The following SGCD variants were observed in gnomAD, a reference collection of about 807,000 sequenced individuals.
The protein encoded by SGCD is delta-sarcoglycan.
SGCD carries 18 observed loss-of-function variants against 36.6 expected under a neutral mutation model. That is an observed-to-expected ratio of 0.49 (90% CI 0.34 to 0.73). The LOEUF (loss-of-function observed/expected upper bound fraction) is 0.73, where lower values mean the gene tolerates loss of function less well. Ranked by LOEUF, SGCD falls within the 30% of genes least tolerant of loss-of-function variation. SGCD has a pLI of 0.01. For synonymous variants in SGCD, 133 were observed against 130.6 expected (o/e 1.02, Z -0.12); for missense variants, 387 against 346.7 (o/e 1.12, Z -0.92).
chr5:155,968,992 A>G (rs1023096385), intron 1 of SGCD, among the ~76,000 whole-genome samples: 3 of 152,230 alleles, frequency 2.0e-5, no homozygotes, highest in Admixed American at 2.0e-4. Flanking sequence ...ATCCACATCA[A>G]TACATACACA....
chr5:156,287,627 T>TTGTGTG (rs70982002), intron 3 of SGCD, among the ~76,000 whole-genome samples: 1,725 of 146,362 alleles, frequency 0.012, 23 homozygotes, highest in Non-Finnish European at 0.016. Context: ...TTCCGTTTCT[T>TTGTGTG]TGTGTGTGTG....
chr5:156,288,719 T>A (rs1297578552), intron 3 of SGCD, among the ~76,000 whole-genome samples: 1 of 152,294 alleles, frequency 6.6e-6, no homozygotes, highest in South Asian at 2.1e-4. Flanking sequence ...AGTTCAATTT[T>A]TTTTTCCTGA....
chr5:155,773,567 G>A, the SGCD span, among the ~76,000 whole-genome samples: 1 of 152,030 alleles, frequency 6.6e-6, no homozygotes, highest in Non-Finnish European at 1.5e-5. Context: ...AGTTGAACAG[G>A]GTATTGTCAT....
At chr5:156,044,677 T>C (rs1759719681) in intron 1 of SGCD, among the ~76,000 whole-genome samples, 2 of 152,196 alleles carry the variant, frequency 1.3e-5, no homozygotes, top group South Asian at 2.1e-4. Flanking sequence ...AGAATTTTTT[T>C]CATATAGAAG....
intron 3 of SGCD, among the ~76,000 whole-genome samples, chr5:156,383,433 G>C (rs1041748867): frequency 6.6e-6 from 1 of 152,140 alleles, no homozygotes; most frequent in Non-Finnish European, 1.5e-5. Flanking sequence ...GAACCCAGTA[G>C]GCGGAGGTTA....
At chr5:155,937,887 A>C (rs1341783073) in intron 1 of SGCD, among the ~76,000 whole-genome samples, 1 of 152,192 alleles carries the variant, frequency 6.6e-6, no homozygotes, top group South Asian at 2.1e-4. Flanking sequence ...AGAATATACA[A>C]AACAGATGAG....
chr5:156,649,612 CA>C (rs1425229567), intron 7 of SGCD, among the ~76,000 whole-genome samples: 2 of 145,292 alleles, frequency 1.4e-5, no homozygotes, highest in African/African-American at 2.5e-5. Context: ...ATCACAAGGT[CA>C]AAAAACCAAA....
chr5:156,378,388 G>A (rs1770790234), intron 3 of SGCD, among the ~76,000 whole-genome samples: 1 of 152,134 alleles, frequency 6.6e-6, no homozygotes, highest in Non-Finnish European at 1.5e-5. Context: ...AGTTTTGCAG[G>A]ATAAAGGTTC....
chr5:156,112,424 T>C (rs868152211), intron 1 of SGCD, among the ~76,000 whole-genome samples: 1,981 of 152,330 alleles, frequency 0.013, 49 homozygotes, highest in African/African-American at 0.045. Context: ...TGTGGATTCT[T>C]AAGACATATT....
intron 3 of SGCD, among the ~76,000 whole-genome samples, chr5:156,201,901 T>G (rs967806305): frequency 2.0e-5 from 3 of 152,112 alleles, no homozygotes; most frequent in Non-Finnish European, 4.4e-5. Flanking sequence ...AGCTCCAGTG[T>G]GTACCTTGTG....
intron 6 of SGCD, among the ~76,000 whole-genome samples, chr5:156,631,153 C>T (rs138753758): frequency 6.8e-4 from 104 of 152,236 alleles, no homozygotes; most frequent in Middle Eastern, 6.8e-3. Flanking sequence ...GAGTCATTTT[C>T]ATAATGGGTC....
intron 2 of SGCD, among the ~76,000 whole-genome samples, chr5:156,119,906 C>A (rs1008808932): frequency 6.6e-6 from 1 of 152,128 alleles, no homozygotes; most frequent in Admixed American, 6.6e-5. Flanking sequence ...ATGACAGATT[C>A]CCTGAAGCGT....
chr5:156,393,564 G>A lies in SGCD; in HGVS notation c.192+48887G>A, dbSNP rs114574993. 7.4e-3 allele frequency among the ~76,000 whole-genome samples: 1,122 copies of A among 152,144 alleles called. 21 individuals are homozygous for A. The highest frequency in any genetic ancestry group is 0.026 in the African/African-American group (1,066 of 41,502). On this transcript the variant is annotated intron_variant, in intron 3 of 8. Coordinates refer to ENST00000337851, the MANE Select transcript of SGCD (RefSeq NM_000337.6). ...AGCGGTGGACGCACCACATGATAGC[G>A]TGCTCCTGTGCATCTCTTCTCTGCT...
chr5:155,913,882 A>C (rs1001769032), intron 1 of SGCD, among the ~76,000 whole-genome samples: 6 of 152,240 alleles, frequency 3.9e-5, no homozygotes, highest in African/African-American at 1.4e-4. Flanking sequence ...CCGTGGAAAC[A>C]GTTTCCCTGC....
rs529001807 is a variant in SGCD, at chr5:156,161,765, C to T, written c.-44+37746C>T. The stretch of plus-strand genomic sequence containing the variant: ...CTTTCCTTCCTACTTCCTGGATCTT[C>T]CTTAATTTTGAATCATAATTATATG... On this transcript the variant is annotated intron_variant, in intron 3 of 9. Coordinates refer to the SGCD transcript ENST00000517913. Among the ~76,000 whole-genome samples, 37 of 151,762 alleles carry T rather than the reference C, an allele frequency of 2.4e-4. 2 individuals carry two copies. The highest frequency in any genetic ancestry group is 3.4e-3 in the Middle Eastern group (1 of 294).
chr5:156,720,780 G>C (rs575441068), intron 7 of SGCD, among the ~76,000 whole-genome samples: 144 of 152,262 alleles, frequency 9.5e-4, no homozygotes, highest in Middle Eastern at 3.4e-3. Flanking sequence ...TGCTTTCTAA[G>C]GATTACTACT....
intron 1 of SGCD, among the ~76,000 whole-genome samples, chr5:155,992,458 C>A (rs1758452341): frequency 6.6e-6 from 1 of 151,980 alleles, no homozygotes; most frequent in Non-Finnish European, 1.5e-5. Flanking sequence ...CAATGAGAAC[C>A]CTTCCTGCAA....
At position 156,451,701 on chromosome 5, in the gene SGCD, TGA is replaced by T. The variant is rs538459292; in HGVS notation, c.193-56898_193-56897del. ...GCTAAATCCTTACTCAGTGAACTGCTGAGTTTGCTAAATAGTTAACCTGATGT... is the reference window on the plus strand; with the variant it reads ...GCTAAATCCTTACTCAGTGAACTGCTGTTTGCTAAATAGTTAACCTGATGT... On this transcript the variant is annotated intron_variant, in intron 3 of 8. Coordinates refer to ENST00000337851, the MANE Select transcript of SGCD (RefSeq NM_000337.6). 1.7e-4 allele frequency among the ~76,000 whole-genome samples: 26 copies of T among 152,312 alleles called. 1 individual carries two copies. Among genetic ancestry groups the T allele is most frequent in the East Asian group, 1.3e-3 (7 of 5,188 alleles).
At chr5:156,563,787 C>T (rs974995877) in intron 4 of SGCD, among the ~76,000 whole-genome samples, 1 of 152,120 alleles carries the variant, frequency 6.6e-6, no homozygotes, top group Non-Finnish European at 1.5e-5. Flanking sequence ...ATTTGCCTTA[C>T]TCAGTCTCTT....
Sources: allele counts gnomAD v4.1 joint callset (sites outside exome capture counted in the v4.1 genomes callset), GRCh38; gene constraint gnomAD v4.1.1; transcripts MANE v1.5; gene names NCBI Gene and HGNC (gene_info 2026-07-23, HGNC 2026-07-21).